LAX1: variants seen among roughly 807,000 people sequenced by gnomAD.
LAX1 encodes the protein lymphocyte transmembrane adapter 1.
A neutral mutation model predicts 20.7 loss-of-function variants in LAX1; 17 were observed. That is an observed-to-expected ratio of 0.82 (90% CI 0.56 to 1.23). LAX1 has a LOEUF of 1.23. Ranked by LOEUF, LAX1 falls within the 50% of genes most tolerant of loss-of-function variation. The probability of loss-of-function intolerance (pLI) is 0.00; values close to 1 mark genes in which losing one functional copy is unlikely to be tolerated. For synonymous variants in LAX1, 165 were observed against 181.0 expected, an observed-to-expected ratio of 0.91 and a Z score of 0.71; for missense variants, 470 against 487.0, an observed-to-expected ratio of 0.97 and a Z score of 0.33.
At chr1:203,773,772 TTTTTTTTTTTTTC>T in intron 4 of LAX1, 90 bp from the exon 5 acceptor site, 1 of 280,944 alleles carries the variant, frequency 3.6e-6, no homozygotes, top group South Asian at 8.2e-5. Flanking sequence ...TTTTTTTTTT[TTTTTTTTTTTTTC>T]AGAATATGCC....
chr1:203,766,739 C>T (rs908423581), intron 1 of LAX1, among the ~76,000 whole-genome samples: 1 of 152,194 alleles, frequency 6.6e-6, no homozygotes, highest in East Asian at 1.9e-4. Context: ...ATACACATTA[C>T]TTCACAATTT....
At chr1:203,772,006 T>C in intron 3 of LAX1, 62 bp from the exon 4 acceptor site, 2 of 1,272,152 alleles carry the variant, frequency 1.6e-6, no homozygotes, top group Non-Finnish European at 2.3e-6. Context: ...GATGCAGGGA[T>C]TATTTGGACT....
intron 1 of LAX1, among the ~76,000 whole-genome samples, chr1:203,769,456 A>AG (rs1558070047): frequency 9.3e-6 from 1 of 107,228 alleles, no homozygotes; most frequent in Non-Finnish European, 2.3e-5. Flanking sequence ...AAAGAAAGAA[A>AG]AGAAAAGAAA....
At chr1:203,765,704 G>C in intron 1 of LAX1, 50 bp downstream of exon 1, 1 of 1,564,116 alleles carries the variant, frequency 6.4e-7, no homozygotes, top group Non-Finnish European at 8.8e-7. Context: ...TTAGGCAGAA[G>C]GTCCTAGTCC....
At position 203,767,303 on chromosome 1, in the gene LAX1, C is replaced by CTTTTTTTTTTTTTT. The variant is rs755164305; in HGVS notation, c.89+1657_89+1670dup. 4.2e-3 allele frequency among the ~76,000 whole-genome samples: 377 copies of CTTTTTTTTTTTTTT among 90,414 alleles called. 52 individuals are homozygous for CTTTTTTTTTTTTTT. The highest frequency in any genetic ancestry group is 0.016 in the African/African-American group (346 of 21,222). The allele number at this position is 90,414 out of a possible 152,430, so 59.3% of individuals were successfully genotyped here. A position where few individuals can be genotyped will look rare whatever the true frequency, so the allele number is the denominator to read the frequency against. On this transcript the variant is annotated intron_variant, in intron 1 of 4. Coordinates refer to ENST00000442561, the MANE Select transcript of LAX1 (RefSeq NM_017773.4). ...GTAACCACCATTCTACTCTCCACTT[C>CTTTTTTTTTTTTTT]TTTTTTTTTTTTTTTTTTTTTGAGA...
intron 4 of LAX1, 123 bp from the exon 5 acceptor site, chr1:203,773,751 CT>C (rs1475980185): frequency 1.0e-5 from 4 of 399,712 alleles, no homozygotes; most frequent in Non-Finnish European, 1.6e-5. Flanking sequence ...TGCACTGTTG[CT>C]CTTCTTTTTT....
Position 203,773,756 on chromosome 1 carries a change from CTTTTTTTTTTT to C in LAX1, c.391-101_391-91del, listed in dbSNP as rs10714327. Reference sequence around the variant, plus strand: ...TCATCACATTTGCACTGTTGCTCTTCTTTTTTTTTTTTTTTTTTTTTTTTTTTTCAGAATAT... The same window carrying C: ...TCATCACATTTGCACTGTTGCTCTTCTTTTTTTTTTTTTTTTTCAGAATAT... On this transcript the variant is annotated intron_variant, in intron 4 of 4. Coordinates refer to ENST00000442561, the MANE Select transcript of LAX1 (RefSeq NM_017773.4). 1,857 of 200,268 alleles carry C rather than the reference CTTTTTTTTTTT, an allele frequency of 9.3e-3. 38 individuals are homozygous for C. Among genetic ancestry groups the C allele is most frequent in the South Asian group, 0.036 (1,032 of 28,938 alleles). The allele number at this position is 200,268 out of a possible 1,614,324, so 12.4% of individuals were successfully genotyped here.
Position 203,772,156 on chromosome 1 carries a change from CA to C in LAX1, c.390+11del. 2 of 1,604,368 alleles carry C rather than the reference CA, an allele frequency of 1.2e-6. No individual in the cohort carries two copies. Among genetic ancestry groups the C allele is most frequent in the Non-Finnish European group, 1.7e-6 (2 of 1,171,136 alleles). On this transcript the variant is annotated intron_variant, in intron 4 of 4. Transcript: ENST00000442561. ...AGAGCCCGGAGCATGTGGTAAGAGT[CA>C]AGCTTCTTGGGAGAATGACATGTCT...
intron 1 of LAX1, among the ~76,000 whole-genome samples, chr1:203,770,493 G>GAAA (rs1667394839): frequency 1.1e-4 from 8 of 76,076 alleles, no homozygotes; most frequent in East Asian, 1.6e-3. Flanking sequence ...AAGGAAGGAA[G>GAAA]GAAGGAAGGA....
rs1249896738 is a variant in LAX1, at chr1:203,773,861, T to C, written c.391-14T>C. ...GCTTGCATCTGACCACTGGCTTCCTTTTCTTCTTCATAGCCCTCCCAAGCA... is the reference window on the plus strand; with the variant it reads ...GCTTGCATCTGACCACTGGCTTCCTCTTCTTCTTCATAGCCCTCCCAAGCA... On this transcript the variant is annotated splice_polypyrimidine_tract_variant and intron_variant, in intron 4 of 4. Coordinates refer to ENST00000442561, the MANE Select transcript of LAX1 (RefSeq NM_017773.4). 1.9e-6 allele frequency: 3 copies of C among 1,590,114 alleles called. No individual in the cohort carries two copies. The highest frequency in any genetic ancestry group is 2.6e-6 in the Non-Finnish European group (3 of 1,166,122).
chr1:203,767,014 C>T (rs1237422903), intron 1 of LAX1, among the ~76,000 whole-genome samples: 4 of 151,848 alleles, frequency 2.6e-5, no homozygotes, highest in African/African-American at 7.3e-5. Flanking sequence ...TGCCACCACC[C>T]GCGGCTAACT....
At chr1:203,769,444 G>GGAAGAAA (rs61136870) in intron 1 of LAX1, among the ~76,000 whole-genome samples, 4 of 133,506 alleles carry the variant, frequency 3.0e-5, no homozygotes, top group Non-Finnish European at 6.3e-5. Flanking sequence ...AAAGAAAGAA[G>GGAAGAAA]GAAAGAAAGA....
chr1:203,771,236 T>C (rs983115361), intron 2 of LAX1, 131 bp from the exon 3 acceptor site: 1 of 732,202 alleles, frequency 1.4e-6, no homozygotes, highest in South Asian at 1.6e-5. Flanking sequence ...GTAGCTTGAG[T>C]CTGAAAGGGT....
intron 1 of LAX1, among the ~76,000 whole-genome samples, chr1:203,770,459 AAGGAAGGAAGGAAGGAAGGAAGG>A (rs1667389910): frequency 9.5e-5 from 1 of 10,508 alleles, no homozygotes; most frequent in East Asian, 1.9e-3. Context: ...GAGAGAAAGG[AAGGAAGGAAGGAAGGAAGGAAGG>A]AAGGAAGGAA....
At chr1:203,768,311 CA>C (rs1026990897) in intron 1 of LAX1, among the ~76,000 whole-genome samples, 6 of 149,932 alleles carry the variant, frequency 4.0e-5, no homozygotes, top group Admixed American at 1.3e-4. Context: ...AACTCCATCT[CA>C]AAAAAAAAGA....
Position 203,774,502 on chromosome 1 carries a change from C to T in LAX1, c.1018C>T (p.Leu340Phe). ...THVQCVKRTF[L>F]ASGDYADFQP... Reference sequence around the variant, plus strand: ...TGTCCAATGTGTCAAAAGGACATTCCTTGCTTCAGGGGATTATGCAGACTT... The same window carrying T: ...TGTCCAATGTGTCAAAAGGACATTCTTTGCTTCAGGGGATTATGCAGACTT... The change falls in exon 5 of 5, where the codon CTT becomes TTT. Residue 340 changes from leucine (L) to phenylalanine (F), a missense_variant. Physicochemically the swap from Leu to Phe is conservative, Grantham distance 22. Coordinates refer to ENST00000442561, the MANE Select transcript of LAX1 (RefSeq NM_017773.4). 2 of 1,614,206 alleles carry T rather than the reference C, an allele frequency of 1.2e-6. No individual in the cohort carries two copies. Among genetic ancestry groups the T allele is most frequent in the Non-Finnish European group, 8.5e-7 (1 of 1,180,030 alleles).
chr1:203,776,296 G>A lies in LAX1; in HGVS notation c.*1615G>A, dbSNP rs981893641. The A allele has an allele frequency of 2.2e-5, 3 of 139,310 alleles. No individual in the cohort carries two copies. Among genetic ancestry groups the A allele is most frequent in the Non-Finnish European group, 4.5e-5 (3 of 66,012 alleles). 8.6% of individuals were successfully genotyped at this position (139,310 alleles called of 1,614,324 possible). ...GGAGGCTGAGGCAGGAGAATCACTT[G>A]AACCAGGAAGGCGGACTGCATTCCA... On this transcript the variant is annotated 3_prime_UTR_variant, in exon 5 of 5. Transcript: ENST00000442561.
In LAX1 at chr1:203,775,329, G is replaced by A. The variant is rs34412467; in HGVS notation, c.*648G>A. The stretch of plus-strand genomic sequence containing the variant: ...GAATCGCTTGAACCCGGGAGGTGGA[G>A]GTTGCAGCAAGCCGAGATTGTGCCA... On this transcript the variant is annotated 3_prime_UTR_variant, in exon 5 of 5. Coordinates refer to ENST00000442561, the MANE Select transcript of LAX1 (RefSeq NM_017773.4). 0.31 allele frequency: 46,530 copies of A among 151,930 alleles called. 7,254 individuals are homozygous for A. The highest frequency in any genetic ancestry group is 0.36 in the South Asian group (1,740 of 4,794). 9.4% of individuals were successfully genotyped at this position (151,930 alleles called of 1,614,324 possible). A position where few individuals can be genotyped will look rare whatever the true frequency, so the allele number is the denominator to read the frequency against.
Position 203,774,192 on chromosome 1 carries a change from A to T in LAX1, c.708A>T (p.Gly236=). The T allele has an allele frequency of 6.2e-7, 1 of 1,614,144 alleles. No homozygotes were observed. Among genetic ancestry groups the T allele is most frequent in the African/African-American group, 1.3e-5 (1 of 75,046 alleles). ...EFTEERDEGC[G]DAGDCTSLYS... The stretch of plus-strand genomic sequence containing the variant: ...CTGAGGAAAGAGATGAGGGCTGTGG[A>T]GATGCTGGTGACTGCACCAGTTTGT... The change falls in exon 5 of 5, where the codon GGA becomes GGT. Residue 236 remains glycine (G), a synonymous_variant. Transcript: ENST00000442561.
Sources: allele counts gnomAD v4.1 joint callset (sites outside exome capture counted in the v4.1 genomes callset), GRCh38; gene constraint gnomAD v4.1.1; transcripts MANE v1.5; gene names NCBI Gene and HGNC (gene_info 2026-07-23, HGNC 2026-07-21).